ARHGAP29: variants seen among roughly 807,000 people sequenced by gnomAD.
ARHGAP29 encodes rho GTPase-activating protein 29.
In ARHGAP29, 43 loss-of-function variants were observed where a neutral mutation model predicts 122.6. The observed-to-expected ratio is 0.35, with a 90% CI of 0.27 to 0.45. The LOEUF (loss-of-function observed/expected upper bound fraction) is 0.45, where lower values mean the gene tolerates loss of function less well. Ranked by LOEUF, ARHGAP29 falls within the 20% of genes least tolerant of loss-of-function variation. The probability of loss-of-function intolerance (pLI) is 1.00; values close to 1 mark genes in which losing one functional copy is unlikely to be tolerated. For missense variants in ARHGAP29, 1,303 were observed against 1,477.2 expected (o/e 0.88, Z 1.93); for synonymous variants, 506 against 497.1 (o/e 1.02, Z -0.24).
chr1:94,303,623 A>G, the ARHGAP29 span, among the ~76,000 whole-genome samples: 1 of 152,362 alleles, frequency 6.6e-6, no homozygotes, highest in South Asian at 2.1e-4. Context: ...GGGTTAAATG[A>G]GACCACAGAT....
upstream of ARHGAP29, among the ~76,000 whole-genome samples, chr1:94,238,829 C>T (rs569807693): frequency 6.6e-6 from 1 of 152,050 alleles, no homozygotes; most frequent in South Asian, 2.1e-4. Context: ...AGTAGGGTAG[C>T]GGGGCAAGAG....
At chr1:94,185,864 G>C (rs1649768258) in intron 16 of ARHGAP29, among the ~76,000 whole-genome samples, 1 of 152,132 alleles carries the variant, frequency 6.6e-6, no homozygotes, top group African/African-American at 2.4e-5. Context: ...TATGAGGTTA[G>C]AGTGTGAGCA....
chr1:94,267,880 C>T (rs1201516639), intron 1 of ARHGAP29, among the ~76,000 whole-genome samples: 1 of 152,148 alleles, frequency 6.6e-6, no homozygotes, highest in African/African-American at 2.4e-5. Flanking sequence ...TTATTGCATT[C>T]CTTTGAACTA....
At chr1:94,232,324 A>G (rs772700325) in intron 1 of ARHGAP29, among the ~76,000 whole-genome samples, 1 of 152,168 alleles carries the variant, frequency 6.6e-6, no homozygotes, top group Non-Finnish European at 1.5e-5. Flanking sequence ...GTTCAATTAC[A>G]GTTAGTTTTT....
At chr1:94,178,290 G>A in intron 20 of ARHGAP29, 123 bp from the exon 21 acceptor site, 1 of 879,314 alleles carries the variant, frequency 1.1e-6, no homozygotes, top group East Asian at 2.6e-5. Flanking sequence ...GGGGGAAAAA[G>A]TCTAGGAAAA....
At chr1:94,246,509 C>G (rs891768366) in intron 1 of ARHGAP29, among the ~76,000 whole-genome samples, 6 of 152,146 alleles carry the variant, frequency 3.9e-5, no homozygotes, top group Admixed American at 2.0e-4. Flanking sequence ...CCCTTCCCCC[C>G]GCCAACCCCT....
rs764695597 is a variant in ARHGAP29 at position 94,178,167 on chromosome 1, C to G, written c.2481G>C (p.Arg827=). The G allele has an allele frequency of 6.2e-7, 1 of 1,609,622 alleles. No individual in the cohort carries two copies. Among genetic ancestry groups the G allele is most frequent in the South Asian group, 1.1e-5 (1 of 90,488 alleles). ...SLHFLIVHLK[R]VVDHAEENKM... ...TGTTTTCTTCTGCATGATCTACTAC[C>G]CTGCAAAGTAGAACACATAAAGTTG... The change falls in exon 21 of 23, where the codon CGG becomes CGC. Residue 827 remains arginine, a splice_region_variant and synonymous_variant. Coordinates refer to ENST00000260526, the MANE Select transcript of ARHGAP29 (RefSeq NM_004815.4).
chr1:94,290,085 C>T, the ARHGAP29 span, among the ~76,000 whole-genome samples: 1 of 152,108 alleles, frequency 6.6e-6, no homozygotes, highest in East Asian at 1.9e-4. Context: ...CCTCTTTGTA[C>T]CTCTGGTAGA....
chr1:94,237,688 C>T (rs1380988362), upstream of ARHGAP29: 5 of 985,390 alleles, frequency 5.1e-6, no homozygotes, highest in African/African-American at 3.5e-5. Flanking sequence ...GGGGGCGGGG[C>T]CGGCGACCGC....
chr1:94,280,557 A>C, the ARHGAP29 span, among the ~76,000 whole-genome samples: 16 of 152,352 alleles, frequency 1.1e-4, no homozygotes, highest in African/African-American at 3.8e-4. Flanking sequence ...AGATGAATAG[A>C]ATTTCTAAAG....
chr1:94,289,560 G>A, the ARHGAP29 span, among the ~76,000 whole-genome samples: 1 of 152,172 alleles, frequency 6.6e-6, no homozygotes, highest in Non-Finnish European at 1.5e-5. Context: ...GGGCATCCTT[G>A]TCTGCTGTCG....
intron 2 of ARHGAP29, among the ~76,000 whole-genome samples, chr1:94,222,787 T>C (rs1466953215): frequency 6.6e-6 from 1 of 152,198 alleles, no homozygotes; most frequent in Non-Finnish European, 1.5e-5. Context: ...AAGATGTTAA[T>C]ACAGTGTATA....
intron 15 of ARHGAP29, among the ~76,000 whole-genome samples, chr1:94,187,718 C>G (rs950376922): frequency 3.3e-5 from 5 of 152,084 alleles, no homozygotes; most frequent in African/African-American, 7.2e-5. Flanking sequence ...CTTATGGGAT[C>G]CTAAATAATT....
In ARHGAP29 at chr1:94,185,471, G is replaced by A; in HGVS notation, c.1791C>T (p.Ser597=). The A allele has an allele frequency of 6.2e-7, 1 of 1,605,084 alleles. No homozygotes were observed. The highest frequency in any genetic ancestry group is 8.5e-7 in the Non-Finnish European group (1 of 1,176,702). Reference sequence around the variant, plus strand: ...TCAATGTTTTCTTAAATGTTCCAAGGGAATTGGGTCCTTGCAAGAGAAATA... The same window carrying A: ...TCAATGTTTTCTTAAATGTTCCAAGAGAATTGGGTCCTTGCAAGAGAAATA... The part of the protein sequence containing the change: ...PPSPSETGPN[S]LGTFKKTLMS... Residue 597 remains serine (S), a synonymous_variant, in exon 17 of 23, where the codon TCC becomes TCT. Transcript: ENST00000260526.
upstream of ARHGAP29, among the ~76,000 whole-genome samples, chr1:94,276,780 CAAAAAAAAAAAAAAA>C (rs34090768): frequency 7.4e-5 from 3 of 40,614 alleles, no homozygotes; most frequent in Non-Finnish European, 1.3e-4. Context: ...GACCCTGTCT[CAAAAAAAAAAAAAAA>C]AAAAAAAAAA....
At position 94,231,575 on chromosome 1, in the gene ARHGAP29, G is replaced by T; in HGVS notation, c.37C>A (p.Arg13Ser). 1.9e-6 allele frequency: 3 copies of T among 1,613,412 alleles called. No homozygotes were observed. Among genetic ancestry groups the T allele is most frequent in the Non-Finnish European group, 2.5e-6 (3 of 1,179,656 alleles). Residue 13 changes from arginine (R) to serine (S), a missense_variant, in exon 2 of 23, where the codon CGT becomes AGT. Around this residue, in one of 3 missense-constraint regions of ARHGAP29, gnomAD observed 592 missense variants for 648.2 expected, o/e 0.91. Coordinates refer to ENST00000260526, the MANE Select transcript of ARHGAP29 (RefSeq NM_004815.4). ...AHKQKKTKKK[R>S]AWASGQLSTD... ...GAGAGTTGACCTGATGCCCAAGCAC[G>T]TTTTTTCTTTGTCTTTTTCTGTTTG...
intron 1 of ARHGAP29, among the ~76,000 whole-genome samples, chr1:94,261,253 T>C (rs1654546489): frequency 6.6e-6 from 1 of 152,208 alleles, no homozygotes. Context: ...AGCTCAGACA[T>C]GCTTTATAAA....
chr1:94,234,108 G>A (rs946852636), intron 1 of ARHGAP29, among the ~76,000 whole-genome samples: 3 of 152,160 alleles, frequency 2.0e-5, no homozygotes, highest in Non-Finnish European at 4.4e-5. Context: ...ATGTTCCATA[G>A]TATCCTCTAC....
intron 1 of ARHGAP29, among the ~76,000 whole-genome samples, chr1:94,272,570 T>C (rs1443722424): frequency 6.6e-6 from 1 of 152,208 alleles, no homozygotes; most frequent in Non-Finnish European, 1.5e-5. Context: ...GTGATTGAAA[T>C]GGGAAGTACT....
Sources: gnomAD v4.1 joint callset for allele counts (sites outside exome capture counted in the v4.1 genomes callset) on GRCh38, gnomAD v4.1.1 for gene constraint, gnomAD v4.1.1 regional missense constraint, MANE v1.5 for transcripts, NCBI Gene and HGNC (gene_info 2026-07-23, HGNC 2026-07-21) for gene names.